The following JAK1 variants were observed in gnomAD, a reference collection of about 807,000 sequenced individuals.
JAK1 encodes the protein Janus kinase 1, also known as tyrosine-protein kinase JAK1.
A neutral mutation model predicts 136.6 loss-of-function variants in JAK1; 16 were observed. That is an observed-to-expected ratio of 0.12 (90% CI 0.08 to 0.18). JAK1 has a LOEUF of 0.18. Ranked by LOEUF, JAK1 falls within the 10% of genes least tolerant of loss-of-function variation. The pLI, the probability that JAK1 is intolerant of heterozygous loss-of-function variation, is 1.00. For missense variants in JAK1, 859 were observed against 1,450.1 expected (o/e 0.59, Z 6.62); for synonymous variants, 492 against 519.5 (o/e 0.95, Z 0.72).
intron 2 of JAK1, among the ~76,000 whole-genome samples, chr1:65,038,317 G>A (rs963881639): frequency 6.6e-6 from 1 of 150,460 alleles, no homozygotes; most frequent in African/African-American, 2.5e-5. Flanking sequence ...TCCTGCCTCA[G>A]CTTGCTGAGT....
intron 1 of JAK1, among the ~76,000 whole-genome samples, chr1:64,890,546 G>A (rs1644919400): frequency 6.6e-6 from 1 of 152,156 alleles, no homozygotes; most frequent in African/African-American, 2.4e-5. Context: ...GAGAAGTTGA[G>A]GCAGGAGAAC....
At chr1:64,857,904 G>T in intron 9 of JAK1, 125 bp from the exon 10 acceptor site, 1 of 1,208,062 alleles carries the variant, frequency 8.3e-7, no homozygotes, top group Non-Finnish European at 1.2e-6. Context: ...TGCCCTGCCT[G>T]GGATCCTAAA....
intron 1 of JAK1, among the ~76,000 whole-genome samples, chr1:64,917,068 T>A (rs541151873): frequency 6.6e-6 from 1 of 151,924 alleles, no homozygotes; most frequent in Non-Finnish European, 1.5e-5. Context: ...ATCAAAACAA[T>A]GGAGAAAAAG....
At chr1:65,004,324 C>T (rs1646786591) in intron 2 of JAK1, among the ~76,000 whole-genome samples, 1 of 152,200 alleles carries the variant, frequency 6.6e-6, no homozygotes, top group Non-Finnish European at 1.5e-5. Flanking sequence ...CAAAACAGTG[C>T]TTCTCCAAGA....
chr1:64,957,190 G>A (rs1190538860), intron 1 of JAK1, among the ~76,000 whole-genome samples: 1 of 152,118 alleles, frequency 6.6e-6, no homozygotes, highest in African/African-American at 2.4e-5. Context: ...AGGGAAAGAG[G>A]AAAGAGAGGA....
intron 1 of JAK1, among the ~76,000 whole-genome samples, chr1:64,943,570 T>C (rs1355925796): frequency 2.0e-5 from 3 of 152,124 alleles, no homozygotes; most frequent in Non-Finnish European, 4.4e-5. Flanking sequence ...TAGACTAAAA[T>C]AAACATCCTA....
chr1:64,835,423 C>T lies in JAK1; in HGVS notation c.3342G>A (p.Leu1114=). 6.2e-7 allele frequency: 1 copy of T among 1,607,436 alleles called. No homozygotes were observed. Among genetic ancestry groups the T allele is most frequent in the Non-Finnish European group, 8.5e-7 (1 of 1,176,902 alleles). The change falls in exon 24 of 25, where the codon CTG becomes CTA. Residue 1114 remains leucine (L), a synonymous_variant. Coordinates refer to ENST00000342505, the MANE Select transcript of JAK1 (RefSeq NM_002227.4). ...CATCTGGACAGTTAGGTGGGCACGGCAGGCGTTTTCCTTCTTTTAACGTAT... is the reference window on the plus strand; with the variant it reads ...CATCTGGACAGTTAGGTGGGCACGGTAGGCGTTTTCCTTCTTTTAACGTAT... ...LVNTLKEGKR[L]PCPPNCPDEV...
In JAK1 at chr1:65,062,067, G is replaced by A. The variant is rs188344897; in HGVS notation, c.-181+5537C>T. On this transcript the variant is annotated intron_variant, in intron 1 of 25. Coordinates refer to the JAK1 transcript ENST00000671954. ...ACGAAAAAAAAACCCTATGGACACG[G>A]TAACAAAGAGAAGACTGAGCTTTCT... Among the ~76,000 whole-genome samples, 293 of 152,192 alleles carry A rather than the reference G, an allele frequency of 1.9e-3. 2 individuals are homozygous for A. The highest frequency in any genetic ancestry group is 6.9e-3 in the African/African-American group (285 of 41,498).
intron 20 of JAK1, 93 bp downstream of exon 20, chr1:64,839,510 G>C: frequency 9.2e-7 from 1 of 1,091,238 alleles, no homozygotes; most frequent in Non-Finnish European, 1.3e-6. Flanking sequence ...CAGACGCCCA[G>C]GTAAGGCCAC....
At chr1:64,887,136 G>C (rs1161962526) in intron 1 of JAK1, among the ~76,000 whole-genome samples, 1 of 152,184 alleles carries the variant, frequency 6.6e-6, no homozygotes, top group East Asian at 1.9e-4. Flanking sequence ...AAAATCAATA[G>C]TGTGAGTGCG....
At chr1:65,050,156 T>C (rs1045335934) in intron 1 of JAK1, among the ~76,000 whole-genome samples, 7 of 152,208 alleles carry the variant, frequency 4.6e-5, no homozygotes, top group African/African-American at 1.7e-4. Context: ...CATCTCATAG[T>C]ACACTAGTTT....
At chr1:64,919,271 G>A (rs1645453988) in intron 1 of JAK1, among the ~76,000 whole-genome samples, 1 of 152,104 alleles carries the variant, frequency 6.6e-6, no homozygotes. Context: ...GCGGTGTTTG[G>A]TTTTTTGTCC....
rs1656754986 is a variant in JAK1 at position 64,867,130 on chromosome 1, A to T, written c.726T>A (p.Asn242Lys). 1.2e-6 allele frequency: 2 copies of T among 1,613,176 alleles called. No individual in the cohort carries two copies. Among genetic ancestry groups the T allele is most frequent in the Non-Finnish European group, 1.7e-6 (2 of 1,179,318 alleles). The change falls in exon 7 of 25, where the codon AAT (asparagine) becomes AAA (lysine). Residue 242 changes from asparagine (N) to lysine (K), a missense_variant. By Grantham distance (94) the Asn-to-Lys change is moderately conservative (BLOSUM62 0). This residue lies in a region of JAK1 where 353 missense variants were observed against 494.0 expected (regional missense o/e 0.71). Coordinates refer to ENST00000342505, the MANE Select transcript of JAK1 (RefSeq NM_002227.4). ...ATTCCTTTAGGAAATCCTTGAAAAC[A>T]TTATTTATCCGCATCCTGGTGAGAA... ...RNLLTRMRIN[N>K]VFKDFLKEFN...
At chr1:64,861,144 G>A (rs999310160) in intron 8 of JAK1, among the ~76,000 whole-genome samples, 10 of 152,164 alleles carry the variant, frequency 6.6e-5, no homozygotes, top group East Asian at 3.9e-4. Flanking sequence ...GGCACTCAAC[G>A]GTGAATGGCT....
At chr1:64,955,067 G>A (rs937478212) in intron 1 of JAK1, among the ~76,000 whole-genome samples, 5 of 152,266 alleles carry the variant, frequency 3.3e-5, no homozygotes, top group Middle Eastern at 3.4e-3. Context: ...TAATTTGACC[G>A]AATTCCCTTC....
intron 1 of JAK1, among the ~76,000 whole-genome samples, chr1:64,929,333 C>G (rs1023433823): frequency 1.3e-5 from 2 of 152,180 alleles, no homozygotes; most frequent in Non-Finnish European, 2.9e-5. Context: ...GACCAAAGTT[C>G]CCCCTATTCA....
chr1:64,947,347 AC>A (rs1646005894), intron 1 of JAK1, among the ~76,000 whole-genome samples: 1 of 152,146 alleles, frequency 6.6e-6, no homozygotes, highest in African/African-American at 2.4e-5. Context: ...GTCCCACCTG[AC>A]CCCCATCCAT....
At chr1:64,860,364 A>G (rs959390115) in intron 8 of JAK1, 102 bp from the exon 9 acceptor site, 27 of 811,944 alleles carry the variant, frequency 3.3e-5, no homozygotes, top group South Asian at 2.0e-4. Context: ...TTATAACCCA[A>G]TGGGAACCCC....
upstream of JAK1, chr1:64,966,573 C>T (rs1646386432): frequency 6.8e-6 from 1 of 148,110 alleles, no homozygotes; most frequent in Non-Finnish European, 1.5e-5. Context: ...CCGCCCCGCC[C>T]CGCCCCGCGG....
Sources: allele counts gnomAD v4.1 joint callset (sites outside exome capture counted in the v4.1 genomes callset), GRCh38; gene constraint gnomAD v4.1.1; regional missense constraint gnomAD v4.1.1; transcripts MANE v1.5; gene names NCBI Gene and HGNC (gene_info 2026-07-23, HGNC 2026-07-21).